The following CLEC16A variants were observed in gnomAD, a reference collection of about 807,000 sequenced individuals.
The protein encoded by CLEC16A is protein CLEC16A.
A neutral mutation model predicts 109.5 loss-of-function variants in CLEC16A; 51 were observed. The ratio of observed to expected loss-of-function variants is 0.47; its 90% CI spans 0.37 to 0.59. The LOEUF (loss-of-function observed/expected upper bound fraction) is 0.59, where lower values mean the gene tolerates loss of function less well. Among genes scored for constraint, CLEC16A ranks in the 20% least tolerant of loss-of-function variants. The pLI, the probability that CLEC16A is intolerant of heterozygous loss-of-function variation, is 0.00. For synonymous variants in CLEC16A, 673 were observed against 564.2 expected, an observed-to-expected ratio of 1.19 and a Z score of -2.73; for missense variants, 1,339 against 1,394.0, an observed-to-expected ratio of 0.96 and a Z score of 0.63.
At chr16:10,970,787 C>A (rs1478418907) in intron 4 of CLEC16A, among the ~76,000 whole-genome samples, 1 of 152,202 alleles carries the variant, frequency 6.6e-6, no homozygotes, top group Non-Finnish European at 1.5e-5. Flanking sequence ...TGCTCTGTTG[C>A]CCAGCCTGGC....
intron 10 of CLEC16A, among the ~76,000 whole-genome samples, chr16:10,988,369 C>T (rs901206078): frequency 3.9e-5 from 6 of 152,262 alleles, no homozygotes; most frequent in East Asian, 3.9e-4. Context: ...TGCACTGGAA[C>T]GACCTGACCC....
intron 19 of CLEC16A, among the ~76,000 whole-genome samples, chr16:11,092,869 G>C (rs920329774): frequency 6.6e-6 from 1 of 152,204 alleles, no homozygotes; most frequent in Non-Finnish European, 1.5e-5. Flanking sequence ...ACAAGCGTTT[G>C]ATCCATAATA....
chr16:10,949,315 G>T (rs1054777777), intron 1 of CLEC16A, among the ~76,000 whole-genome samples: 1 of 152,074 alleles, frequency 6.6e-6, no homozygotes. Context: ...ACTATGTCAC[G>T]TCTAAGTTCT....
At chr16:11,148,844 G>A (rs1337377199) in intron 22 of CLEC16A, among the ~76,000 whole-genome samples, 1 of 152,206 alleles carries the variant, frequency 6.6e-6, no homozygotes, top group Non-Finnish European at 1.5e-5. Flanking sequence ...GACAGGTGAT[G>A]TGCGCTTCAG....
chr16:11,153,619 AT>A (rs1224732444), intron 22 of CLEC16A, among the ~76,000 whole-genome samples: 9 of 151,294 alleles, frequency 5.9e-5, no homozygotes, highest in Non-Finnish European at 1.5e-5. Context: ...CTGTGAATCA[AT>A]TCCTCCTTTC....
chr16:10,953,856 A>C (rs1204594805), intron 1 of CLEC16A, among the ~76,000 whole-genome samples: 1 of 152,132 alleles, frequency 6.6e-6, no homozygotes, highest in African/African-American at 2.4e-5. Flanking sequence ...GGGCGCCTGT[A>C]GTCCCAGCTA....
intron 19 of CLEC16A, among the ~76,000 whole-genome samples, chr16:11,094,842 G>A (rs1018980838): frequency 2.0e-5 from 3 of 152,184 alleles, no homozygotes; most frequent in Non-Finnish European, 4.4e-5. Context: ...TCAAGTTATC[G>A]TTATTATGAG....
At chr16:11,006,353 C>A (rs1365909556) in intron 11 of CLEC16A, among the ~76,000 whole-genome samples, 3 of 152,202 alleles carry the variant, frequency 2.0e-5, no homozygotes, top group Admixed American at 2.0e-4. Flanking sequence ...GCAGAAATAG[C>A]AGATTTCCCC....
At position 11,027,241 on chromosome 16, in the gene CLEC16A, A is replaced by T; in HGVS notation, c.1537+2320A>T. On this transcript the variant is annotated intron_variant, in intron 13 of 23. Transcript: ENST00000409790. ...GACAAGGTGCATCTCAGACGACTAGAAGTGAAACCTCATGCCGTGGAATTG... is the reference window on the plus strand; with the variant it reads ...GACAAGGTGCATCTCAGACGACTAGTAGTGAAACCTCATGCCGTGGAATTG... 4.6e-6 allele frequency: 7 copies of T among 1,534,686 alleles called. No homozygotes were observed. The South Asian group carries it at 7.8e-5, about 17-fold the overall frequency.
intron 11 of CLEC16A, among the ~76,000 whole-genome samples, chr16:11,012,590 G>A (rs142189928): frequency 0.15 from 13,269 of 86,222 alleles, 921 homozygotes; most frequent in South Asian, 0.25. Flanking sequence ...GTGAGACTCC[G>A]TCTCAAAAAA....
At position 10,972,559 on chromosome 16, in the gene CLEC16A, T is replaced by G. The variant is rs755770837; in HGVS notation, c.604T>G (p.Leu202Val). The G allele has an allele frequency of 3.1e-6, 5 of 1,612,318 alleles. No homozygotes were observed. In the Admixed American group the frequency reaches 6.7e-5, roughly 22 times the overall value. Reference sequence around the variant, plus strand: ...TCCTGTGTTCCTTATTCCAGTGTCATGTAAGTTATTAACCTCTGGTTTTCT... The same window carrying G: ...TCCTGTGTTCCTTATTCCAGTGTCAGGTAAGTTATTAACCTCTGGTTTTCT... ...TITLNVYKVSLDNQAMLHYIR... is the reference protein window; with the variant it reads ...TITLNVYKVSVDNQAMLHYIR... Residue 202 changes from leucine (L) to valine (V), a missense_variant and splice_region_variant, in exon 6 of 24, where the codon TTG becomes GTG. Transcript: ENST00000409790.
chr16:11,143,557 CA>C (rs1033354587), intron 22 of CLEC16A, among the ~76,000 whole-genome samples: 3 of 152,198 alleles, frequency 2.0e-5, no homozygotes, highest in African/African-American at 7.2e-5. Context: ...TAACCTAAAA[CA>C]AAGGGCTTAA....
intron 22 of CLEC16A, among the ~76,000 whole-genome samples, chr16:11,164,109 T>C (rs926443311): frequency 6.6e-6 from 1 of 152,088 alleles, no homozygotes; most frequent in Non-Finnish European, 1.5e-5. Flanking sequence ...ATATATCACA[T>C]TGTGCCTCTT....
intron 1 of CLEC16A, among the ~76,000 whole-genome samples, chr16:10,948,123 G>A (rs543612582): frequency 6.6e-5 from 10 of 152,254 alleles, no homozygotes; most frequent in South Asian, 2.1e-4. Context: ...TCGATCTCCT[G>A]ACCTTGTGAT....
At chr16:11,162,134 G>A (rs750099551) in intron 22 of CLEC16A, among the ~76,000 whole-genome samples, 3 of 152,210 alleles carry the variant, frequency 2.0e-5, no homozygotes, top group Non-Finnish European at 4.4e-5. Context: ...ATGCCAGAGC[G>A]TTATTCATTA....
chr16:11,092,034 A>G (rs775843933), intron 19 of CLEC16A, among the ~76,000 whole-genome samples: 1 of 152,096 alleles, frequency 6.6e-6, no homozygotes, highest in South Asian at 2.1e-4. Context: ...CATTATCGAC[A>G]GAAAACAAGC....
intron 18 of CLEC16A, among the ~76,000 whole-genome samples, chr16:11,053,402 CTG>C (rs1009425525): frequency 6.6e-6 from 1 of 151,474 alleles, no homozygotes; most frequent in Non-Finnish European, 1.5e-5. Context: ...GGGTCCTGCT[CTG>C]TCACCCAGGT....
At chr16:11,159,313 C>T (rs1051248853) in intron 22 of CLEC16A, among the ~76,000 whole-genome samples, 12 of 152,182 alleles carry the variant, frequency 7.9e-5, no homozygotes, top group Middle Eastern at 3.2e-3. Context: ...TCTCAGTGTG[C>T]GTGTGTCTAT....
chr16:11,160,844 G>T (rs148360212), intron 22 of CLEC16A, among the ~76,000 whole-genome samples: 1 of 152,110 alleles, frequency 6.6e-6, no homozygotes, highest in Non-Finnish European at 1.5e-5. Context: ...CATAGCTCAG[G>T]GCAGCTGCTG....
Sources: allele counts gnomAD v4.1 joint callset (sites outside exome capture counted in the v4.1 genomes callset), GRCh38; gene constraint gnomAD v4.1.1; transcripts MANE v1.5; gene names NCBI Gene and HGNC (gene_info 2026-07-23, HGNC 2026-07-21).